Variants in CUX2 observed in about 807,000 individuals in gnomAD.
The protein encoded by CUX2 is homeobox protein cut-like 2.
A neutral mutation model predicts 144.8 loss-of-function variants in CUX2; 40 were observed. The observed-to-expected ratio is 0.28, with a 90% CI of 0.21 to 0.36. CUX2 has a LOEUF of 0.36. Among genes scored for constraint, CUX2 ranks in the 10% least tolerant of loss-of-function variants. The probability of loss-of-function intolerance (pLI) is 1.00; values close to 1 mark genes in which losing one functional copy is unlikely to be tolerated. For missense variants in CUX2, 1,615 were observed against 1,994.0 expected, an observed-to-expected ratio of 0.81 and a Z score of 3.62; for synonymous variants, 827 against 875.6, an observed-to-expected ratio of 0.94 and a Z score of 0.98.
At chr12:111,194,317 G>C (rs181813482) in intron 1 of CUX2, among the ~76,000 whole-genome samples, 1 of 152,314 alleles carries the variant, frequency 6.6e-6, no homozygotes, top group Non-Finnish European at 1.5e-5. Context: ...AGCCGTCACT[G>C]TTATTATTCT....
intron 18 of CUX2, 86 bp from the exon 19 acceptor site, chr12:111,334,355 C>G: frequency 6.9e-7 from 1 of 1,441,648 alleles, no homozygotes; most frequent in Non-Finnish European, 9.3e-7. Flanking sequence ...TTTGGCAACT[C>G]TTGGCTGTAA....
Position 111,295,559 on chromosome 12 carries a change from T to TG in CUX2, c.637+156dup, listed in dbSNP as rs879380494. The TG allele has an allele frequency of 4.6e-6, 3 of 656,420 alleles. No individual in the cohort carries two copies. Among genetic ancestry groups the TG allele is most frequent in the East Asian group, 6.0e-5 (2 of 33,252 alleles). 40.7% of individuals were successfully genotyped at this position (656,420 alleles called of 1,614,324 possible). A position where few individuals can be genotyped will look rare whatever the true frequency, so the allele number is the denominator to read the frequency against. On this transcript the variant is annotated intron_variant, in intron 7 of 21. Coordinates refer to ENST00000261726, the MANE Select transcript of CUX2 (RefSeq NM_015267.4). This position sits in a 1 kb window ranked among gnomAD's most constrained non-coding sequence, Gnocchi z 5.0. ...GTTTGGGAAGAATAATCTTACCCAGTGGGGGGCTGAGCCTCTATGCCCCAG... is the reference window on the plus strand; with the variant it reads ...GTTTGGGAAGAATAATCTTACCCAGTGGGGGGGCTGAGCCTCTATGCCCCAG...
chr12:111,313,047 C>T (rs941723940), intron 16 of CUX2, among the ~76,000 whole-genome samples: 2 of 152,076 alleles, frequency 1.3e-5, no homozygotes, highest in Non-Finnish European at 2.9e-5. Context: ...GGGCAAGTTA[C>T]TTAGCCTCTT....
At chr12:111,291,700 A>G (rs1885704247) in intron 5 of CUX2, 148 bp downstream of exon 5, 1 of 889,202 alleles carries the variant, frequency 1.1e-6, no homozygotes, top group South Asian at 2.5e-5. Context: ...TCCTGGGTAT[A>G]TATTGATCCT....
chr12:111,308,255 A>G, intron 12 of CUX2, 30 bp from the exon 13 acceptor site: 1 of 1,613,276 alleles, frequency 6.2e-7, no homozygotes, highest in South Asian at 1.1e-5. Flanking sequence ...GGGCTGGCTG[A>G]CCTCAGACCC....
chr12:111,189,180 G>C (rs1879733093), intron 1 of CUX2, among the ~76,000 whole-genome samples: 2 of 152,176 alleles, frequency 1.3e-5, no homozygotes, highest in South Asian at 4.1e-4. Context: ...GCTGAGCTGG[G>C]AGGATCTCCT....
chr12:111,162,042 T>A (rs1261447905), intron 1 of CUX2, among the ~76,000 whole-genome samples: 1 of 152,160 alleles, frequency 6.6e-6, no homozygotes, highest in Non-Finnish European at 1.5e-5. Context: ...GGACAGGATG[T>A]CATTTCTTAA....
At chr12:111,146,391 C>G (rs1002664174) in intron 1 of CUX2, among the ~76,000 whole-genome samples, 2 of 152,204 alleles carry the variant, frequency 1.3e-5, no homozygotes, top group African/African-American at 4.8e-5. Flanking sequence ...CATTTTACTG[C>G]CTCCATAGTT....
chr12:111,253,303 C>A (rs1883657791), intron 3 of CUX2, among the ~76,000 whole-genome samples: 1 of 151,178 alleles, frequency 6.6e-6, no homozygotes, highest in Non-Finnish European at 1.5e-5. Flanking sequence ...GGCTCTTCCC[C>A]CCGACTCACC....
rs1445055083 is a variant in CUX2 at position 111,287,258 on chromosome 12, T to C, written c.302-4160T>C. Among the ~76,000 whole-genome samples the C allele has an allele frequency of 6.6e-6, 1 of 152,240 alleles. No homozygotes were observed. Among genetic ancestry groups the C allele is most frequent in the Non-Finnish European group, 1.5e-5 (1 of 68,044 alleles). On this transcript the variant is annotated intron_variant, in intron 4 of 21. Transcript: ENST00000261726. The surrounding 1 kb of genome is among the most constrained non-coding windows in gnomAD (Gnocchi z 4.2). ...CACCAAGTATAGTCGTTTGGCTCAA[T>C]GGGCTCATGGCCAGCAGGGCCCCTG... is the stretch of plus-strand genomic sequence containing the variant.
chr12:111,317,723 C>T (rs899780177), intron 16 of CUX2, among the ~76,000 whole-genome samples: 1 of 152,244 alleles, frequency 6.6e-6, no homozygotes, highest in Non-Finnish European at 1.5e-5. Flanking sequence ...CGACCGGGCG[C>T]GGTGGCTCAC....
rs1028306768 is a variant in CUX2, at chr12:111,034,881, A to C, written c.63+641A>C. ...CGGGGGCCGCCGCCGCCGCCGCCAG[A>C]GCCGCCGCCGCCGGACTGGCCGCAA... On this transcript the variant is annotated intron_variant, in intron 1 of 21. Transcript: ENST00000261726. This position sits in a 1 kb window ranked among gnomAD's most constrained non-coding sequence, Gnocchi z 4.2. 7.3e-5 allele frequency among the ~76,000 whole-genome samples: 11 copies of C among 149,720 alleles called. No homozygotes were observed. Among genetic ancestry groups the C allele is most frequent in the African/African-American group, 1.2e-4 (5 of 41,044 alleles).
intron 3 of CUX2, among the ~76,000 whole-genome samples, chr12:111,231,888 A>C (rs952327907): frequency 6.6e-6 from 1 of 151,828 alleles, no homozygotes; most frequent in Non-Finnish European, 1.5e-5. Context: ...CAGGTAGATC[A>C]TGAAGTCAAG....
At chr12:111,199,025 C>A (rs1880410485) in intron 1 of CUX2, among the ~76,000 whole-genome samples, 1 of 152,156 alleles carries the variant, frequency 6.6e-6, no homozygotes, top group Non-Finnish European at 1.5e-5. Flanking sequence ...CGACTCACTC[C>A]ATCCACCATG....
rs1034656176 is a variant in CUX2 at position 111,289,791 on chromosome 12, G to A, written c.302-1627G>A. Among the ~76,000 whole-genome samples, 4 of 152,082 alleles carry A rather than the reference G, an allele frequency of 2.6e-5. No homozygotes were observed. Among genetic ancestry groups the A allele is most frequent in the Non-Finnish European group, 4.4e-5 (3 of 68,026 alleles). On this transcript the variant is annotated intron_variant, in intron 4 of 21. Transcript: ENST00000261726. This position sits in a 1 kb window ranked among gnomAD's most constrained non-coding sequence, Gnocchi z 4.1. Reference sequence around the variant, plus strand: ...AAATGATGGTGTCACCAGGTCCACCGAGAAGCACACCAAGGATTACATGGG... The same window carrying A: ...AAATGATGGTGTCACCAGGTCCACCAAGAAGCACACCAAGGATTACATGGG...
rs1165383960 is a variant in CUX2, at chr12:111,074,243, GA to G, written c.63+40005del. Among the ~76,000 whole-genome samples, 4 of 151,886 alleles carry G rather than the reference GA, an allele frequency of 2.6e-5. 1 individual carries two copies. Among genetic ancestry groups the G allele is most frequent in the African/African-American group, 4.9e-5 (2 of 41,204 alleles). ...GTTTCCCAGTCGAGGCTTCTCATTT[GA>G]ATCACCTGGGGGCTTGTTAAAGCCC... On this transcript the variant is annotated intron_variant, in intron 1 of 21. Transcript: ENST00000261726.
intron 3 of CUX2, among the ~76,000 whole-genome samples, chr12:111,254,284 A>G (rs761180732): frequency 6.6e-6 from 1 of 151,968 alleles, no homozygotes; most frequent in Non-Finnish European, 1.5e-5. Context: ...AAGGATCACT[A>G]TGTATTTAGG....
rs914909704 is a variant in CUX2 at position 111,255,042 on chromosome 12, G to A, written c.223-8719G>A. On this transcript the variant is annotated intron_variant, in intron 3 of 21. Coordinates refer to ENST00000261726, the MANE Select transcript of CUX2 (RefSeq NM_015267.4). The surrounding 1 kb of genome is among the most constrained non-coding windows in gnomAD (Gnocchi z 4.1). ...TAATAGAGACGGGGTTTCACATGTT[G>A]GCCAGGCTGGTCTCGAACTCCTGAC... is the stretch of plus-strand genomic sequence containing the variant. Among the ~76,000 whole-genome samples the A allele has an allele frequency of 6.6e-6, 1 of 152,088 alleles. No homozygotes were observed. The highest frequency in any genetic ancestry group is 2.4e-5 in the African/African-American group (1 of 41,408).
At chr12:111,305,056 T>G (rs1456720124) in intron 10 of CUX2, among the ~76,000 whole-genome samples, 2 of 152,252 alleles carry the variant, frequency 1.3e-5, no homozygotes, top group African/African-American at 4.8e-5. Context: ...CAATTCATCT[T>G]TCTCTTTCCT....
Sources: gnomAD v4.1 joint callset for allele counts (sites outside exome capture counted in the v4.1 genomes callset) on GRCh38, gnomAD v4.1.1 for gene constraint, Gnocchi (gnomAD v3.1) non-coding constraint, MANE v1.5 for transcripts, NCBI Gene and HGNC (gene_info 2026-07-23, HGNC 2026-07-21) for gene names.